SH3RF2: variants seen among roughly 807,000 people sequenced by gnomAD.
SH3RF2 encodes E3 ubiquitin-protein ligase SH3RF2.
A neutral mutation model predicts 59.0 loss-of-function variants in SH3RF2; 43 were observed. The ratio of observed to expected loss-of-function variants is 0.73; its 90% CI spans 0.57 to 0.94. SH3RF2 has a LOEUF of 0.94. Among genes scored for constraint, SH3RF2 ranks in the 40% least tolerant of loss-of-function variants. The pLI, the probability that SH3RF2 is intolerant of heterozygous loss-of-function variation, is 0.00. For missense variants in SH3RF2, 930 were observed against 940.1 expected (o/e 0.99, Z 0.14); for synonymous variants, 391 against 391.5 (o/e 1.00, Z 0.01).
At chr5:145,952,182 T>G (rs1758217803) in intron 2 of SH3RF2, among the ~76,000 whole-genome samples, 1 of 152,210 alleles carries the variant, frequency 6.6e-6, no homozygotes, top group Admixed American at 6.5e-5. Flanking sequence ...GGTCCAGGGT[T>G]CAGTTGCTCT....
chr5:146,028,525 C>T (rs13181933), intron 5 of SH3RF2, among the ~76,000 whole-genome samples: 44,179 of 152,148 alleles, frequency 0.29, 7,829 homozygotes, highest in Non-Finnish European at 0.39. Flanking sequence ...ATCATTGTTG[C>T]GGCGGCCGCC....
intron 2 of SH3RF2, among the ~76,000 whole-genome samples, chr5:145,974,120 A>G (rs1364561762): frequency 6.6e-6 from 1 of 152,158 alleles, no homozygotes; most frequent in African/African-American, 2.4e-5. Flanking sequence ...TGTGGCTGTA[A>G]AACTGAGAAC....
intron 9 of SH3RF2, among the ~76,000 whole-genome samples, chr5:146,069,375 T>G (rs1763180768): frequency 6.6e-6 from 1 of 152,162 alleles, no homozygotes; most frequent in African/African-American, 2.4e-5. Context: ...CTTGAGGGCT[T>G]TTAAGTGATT....
At chr5:146,001,042 T>A (rs1760387892) in intron 3 of SH3RF2, among the ~76,000 whole-genome samples, 1 of 152,218 alleles carries the variant, frequency 6.6e-6, no homozygotes, top group Non-Finnish European at 1.5e-5. Flanking sequence ...ACACACACAA[T>A]AACATAATCG....
intron 3 of SH3RF2, among the ~76,000 whole-genome samples, chr5:146,002,102 G>A (rs1760439743): frequency 6.6e-6 from 1 of 152,154 alleles, no homozygotes; most frequent in Admixed American, 6.5e-5. Context: ...TAACAAAACA[G>A]ACATAGGCCC....
downstream of SH3RF2, among the ~76,000 whole-genome samples, chr5:146,064,959 A>C (rs1346332115): frequency 6.6e-6 from 1 of 152,190 alleles, no homozygotes; most frequent in African/African-American, 2.4e-5. Flanking sequence ...CCTGGGATTC[A>C]AAACATGTAT....
At chr5:146,040,249 C>T (rs1457574955) in intron 5 of SH3RF2, among the ~76,000 whole-genome samples, 2 of 151,990 alleles carry the variant, frequency 1.3e-5, no homozygotes, top group African/African-American at 2.4e-5. Flanking sequence ...GTCTGTTTTA[C>T]GGGTGGTATG....
At chr5:146,045,400 A>C (rs1441423589) in intron 5 of SH3RF2, among the ~76,000 whole-genome samples, 1 of 152,244 alleles carries the variant, frequency 6.6e-6, no homozygotes, top group Non-Finnish European at 1.5e-5. Flanking sequence ...GTATATTCAC[A>C]GATGTATAGC....
intron 8 of SH3RF2, among the ~76,000 whole-genome samples, chr5:146,058,972 AAAT>A (rs1762779492): frequency 6.6e-6 from 1 of 152,182 alleles, no homozygotes; most frequent in Non-Finnish European, 1.5e-5. Flanking sequence ...CTTTACCCAA[AAAT>A]AATGATAGCT....
At chr5:146,069,765 G>A (rs770241575) in intron 9 of SH3RF2, among the ~76,000 whole-genome samples, 6 of 152,084 alleles carry the variant, frequency 3.9e-5, no homozygotes, top group African/African-American at 1.4e-4. Flanking sequence ...GTAGAGGTAG[G>A]GTTTTGCTAT....
intron 5 of SH3RF2, among the ~76,000 whole-genome samples, chr5:146,038,620 C>G (rs1233703918): frequency 1.3e-5 from 2 of 152,082 alleles, no homozygotes; most frequent in Non-Finnish European, 2.9e-5. Flanking sequence ...ACATGCAAGA[C>G]CTTTATTGAG....
chr5:145,968,295 C>T (rs60282677), intron 2 of SH3RF2, among the ~76,000 whole-genome samples: 11,707 of 152,096 alleles, frequency 0.077, 1,535 homozygotes, highest in African/African-American at 0.27. Context: ...GAAAGAACCC[C>T]AAATCTCATG....
chr5:146,053,688 C>G (rs916100172), intron 7 of SH3RF2, among the ~76,000 whole-genome samples: 30 of 152,178 alleles, frequency 2.0e-4, no homozygotes, highest in African/African-American at 7.2e-4. Context: ...CTCTACTCTT[C>G]TTCCTGTCCT....
At chr5:146,036,923 C>T (rs1383327282) in intron 5 of SH3RF2, among the ~76,000 whole-genome samples, 3 of 152,212 alleles carry the variant, frequency 2.0e-5, no homozygotes, top group Non-Finnish European at 2.9e-5. Context: ...CTCCTAAATA[C>T]ATGTCCCCAC....
chr5:146,064,601 GAGAGAGA>G (rs1256433105), downstream of SH3RF2, among the ~76,000 whole-genome samples: 1 of 120,356 alleles, frequency 8.3e-6, no homozygotes, highest in Non-Finnish European at 1.8e-5. Flanking sequence ...GAGAGAGAGA[GAGAGAGA>G]GAGAGAGGGA....
At chr5:146,057,135 A>G (rs1762699123) in intron 8 of SH3RF2, among the ~76,000 whole-genome samples, 1 of 152,250 alleles carries the variant, frequency 6.6e-6, no homozygotes, top group Non-Finnish European at 1.5e-5. Context: ...ATGAATTAAC[A>G]TGAAAACGCA....
intron 2 of SH3RF2, among the ~76,000 whole-genome samples, chr5:145,969,570 T>C (rs1385671248): frequency 1.3e-5 from 2 of 151,734 alleles, no homozygotes; most frequent in African/African-American, 2.4e-5. Flanking sequence ...CAAAACATGT[T>C]AGAGGAAAAA....
chr5:146,010,147 C>T (rs1407033501), intron 4 of SH3RF2, among the ~76,000 whole-genome samples: 14 of 151,932 alleles, frequency 9.2e-5, no homozygotes, highest in East Asian at 3.9e-4. Flanking sequence ...TTGGTCCTTG[C>T]GATAGTTTGC....
intron 5 of SH3RF2, among the ~76,000 whole-genome samples, chr5:146,034,520 A>C (rs1318398449): frequency 6.6e-6 from 1 of 152,186 alleles, no homozygotes; most frequent in East Asian, 1.9e-4. Flanking sequence ...TTGGAAACAC[A>C]TGCCCTTTTC....
Sources: allele counts gnomAD v4.1 joint callset (sites outside exome capture counted in the v4.1 genomes callset), GRCh38; gene constraint gnomAD v4.1.1; transcripts MANE v1.5; gene names NCBI Gene and HGNC (gene_info 2026-07-23, HGNC 2026-07-21).